The following NDFIP1 variants were observed in gnomAD, a reference collection of about 807,000 sequenced individuals.
NDFIP1 encodes NEDD4 family-interacting protein 1.
NDFIP1 carries 7 observed loss-of-function variants against 28.8 expected under a neutral mutation model. That is an observed-to-expected ratio of 0.24 (90% confidence interval 0.14 to 0.46). NDFIP1 has a LOEUF of 0.46. NDFIP1 is among the 20% of genes least tolerant of loss of function. The pLI is 0.99. For synonymous variants in NDFIP1, 92 were observed against 101.0 expected (o/e 0.91, Z 0.53); for missense variants, 194 against 269.1 (o/e 0.72, Z 1.95).
intron 1 of NDFIP1, among the ~76,000 whole-genome samples, chr5:142,129,965 A>G (rs919526884): frequency 2.6e-5 from 4 of 151,160 alleles, no homozygotes; most frequent in African/African-American, 4.9e-5. Flanking sequence ...ATGGAGCTCT[A>G]CTTCACATTA....
At chr5:142,149,484 A>G (rs76814825) in intron 7 of NDFIP1, among the ~76,000 whole-genome samples, 3,354 of 139,534 alleles carry the variant, frequency 0.024, 50 homozygotes, top group Non-Finnish European at 0.036. Flanking sequence ...TAATTTAGTA[A>G]TACGGTCCAG....
chr5:142,137,970 A>G, intron 5 of NDFIP1, 112 bp downstream of exon 5: 1 of 1,368,812 alleles, frequency 7.3e-7, no homozygotes. Flanking sequence ...GTGTTAAATG[A>G]TTTTTGGTTT....
rs10041661 is a variant in NDFIP1, at chr5:142,136,005, A to G, written c.370+188A>G. On this transcript the variant is annotated intron_variant, in intron 4 of 7. Coordinates refer to ENST00000253814, the MANE Select transcript of NDFIP1 (RefSeq NM_030571.4). ...TTAATATCCCTTCTCTTTGCCTTCT[A>G]TTTTCATGAATATCTGTGGAAAATA... Among the ~76,000 whole-genome samples the G allele has an allele frequency of 1.0e-2, 1,515 of 152,252 alleles. 27 individuals carry two copies. The highest frequency in any genetic ancestry group is 0.035 in the African/African-American group (1,447 of 41,534).
chr5:142,147,477 A>G (rs758345674), intron 7 of NDFIP1, among the ~76,000 whole-genome samples: 1 of 152,186 alleles, frequency 6.6e-6, no homozygotes, highest in Non-Finnish European at 1.5e-5. Flanking sequence ...TTAAAAAGTA[A>G]TTATCTGCTA....
At chr5:142,135,612 C>T (rs1007231240) in intron 3 of NDFIP1, 118 bp from the exon 4 acceptor site, 9 of 745,408 alleles carry the variant, frequency 1.2e-5, no homozygotes, top group Non-Finnish European at 2.0e-5. Flanking sequence ...GCCTTTAATG[C>T]TCATAATTTT....
chr5:142,112,383 A>T (rs1596779784), intron 1 of NDFIP1, among the ~76,000 whole-genome samples: 2 of 146,556 alleles, frequency 1.4e-5, no homozygotes, highest in Non-Finnish European at 3.0e-5. Context: ...GACTCTGTTT[A>T]AAAAAAAAAG....
intron 1 of NDFIP1, among the ~76,000 whole-genome samples, chr5:142,121,535 G>T (rs1435627830): frequency 4.6e-5 from 7 of 152,148 alleles, no homozygotes; most frequent in African/African-American, 2.4e-5. Flanking sequence ...TGTTTCACAC[G>T]TATTCTTTTA....
chr5:142,109,029 TACC>T lies in NDFIP1; in HGVS notation c.57_59del (p.Tyr19_Gln20delinsTer). On this transcript the variant is annotated stop_gained and inframe_deletion, in exon 1 of 8. Coordinates refer to ENST00000253814, the MANE Select transcript of NDFIP1 (RefSeq NM_030571.4). LOFTEE classifies it high-confidence loss of function. ...GGTCGAGCCGGCCTGCGGCAGCCGGTACCAGCAGGTAAGCGGCGCCCGACTCCA... is the reference window on the plus strand; with the variant it reads ...GGTCGAGCCGGCCTGCGGCAGCCGGTAGCAGGTAAGCGGCGCCCGACTCCA... The T allele has an allele frequency of 7.0e-7, 1 of 1,430,894 alleles. No individual in the cohort carries two copies. The highest frequency in any genetic ancestry group is 9.1e-7 in the Non-Finnish European group (1 of 1,093,252). 88.6% of individuals were successfully genotyped at this position (1,430,894 alleles called of 1,614,324 possible).
intron 3 of NDFIP1, among the ~76,000 whole-genome samples, chr5:142,132,977 C>T (rs1165847470): frequency 2.0e-5 from 3 of 152,190 alleles, no homozygotes; most frequent in Non-Finnish European, 4.4e-5. Flanking sequence ...GAAGGTAGGG[C>T]ATTGTGGGAG....
At chr5:142,121,101 G>T (rs531403376) in intron 1 of NDFIP1, among the ~76,000 whole-genome samples, 146 of 152,272 alleles carry the variant, frequency 9.6e-4, no homozygotes, top group African/African-American at 3.3e-3. Context: ...TGATTTCACT[G>T]TCTTTTCAAT....
At chr5:142,131,331 G>A (rs56025023) in intron 1 of NDFIP1, among the ~76,000 whole-genome samples, 41,442 of 151,862 alleles carry the variant, frequency 0.27, 6,962 homozygotes, top group Non-Finnish European at 0.37. Flanking sequence ...CTGGAGTGCA[G>A]TGGCACCATC....
At chr5:142,117,479 G>A in intron 1 of NDFIP1, among the ~76,000 whole-genome samples, 1 of 152,000 alleles carries the variant, frequency 6.6e-6, no homozygotes, top group East Asian at 1.9e-4. Flanking sequence ...TTGACCTCGT[G>A]ATCCACCCGC....
At chr5:142,121,483 G>A (rs1380055161) in intron 1 of NDFIP1, among the ~76,000 whole-genome samples, 1 of 152,184 alleles carries the variant, frequency 6.6e-6, no homozygotes, top group Non-Finnish European at 1.5e-5. Flanking sequence ...AGAGACCTGT[G>A]ACTGCCATCC....
intron 3 of NDFIP1, among the ~76,000 whole-genome samples, chr5:142,134,545 C>G (rs542734915): frequency 6.6e-6 from 1 of 152,352 alleles, no homozygotes; most frequent in South Asian, 2.1e-4. Context: ...CTAGTTCCCA[C>G]TCCCCAGGGG....
At chr5:142,128,430 G>A (rs1016488424) in intron 1 of NDFIP1, among the ~76,000 whole-genome samples, 3 of 152,254 alleles carry the variant, frequency 2.0e-5, no homozygotes, top group South Asian at 2.1e-4. Flanking sequence ...TAGTTCTAGC[G>A]CACATGGTTC....
intron 1 of NDFIP1, among the ~76,000 whole-genome samples, chr5:142,110,284 CAT>C (rs1337643067): frequency 1.3e-5 from 2 of 152,180 alleles, no homozygotes; most frequent in Non-Finnish European, 2.9e-5. Flanking sequence ...GGATCTAGCA[CAT>C]GCTTTTTTTC....
chr5:142,134,379 G>A (rs1757254055), intron 3 of NDFIP1, among the ~76,000 whole-genome samples: 1 of 152,078 alleles, frequency 6.6e-6, no homozygotes, highest in African/African-American at 2.4e-5. Flanking sequence ...TTTAATTTTG[G>A]CAAAACCTTA....
At chr5:142,148,010 A>T (rs1481719918) in intron 7 of NDFIP1, among the ~76,000 whole-genome samples, 1 of 152,228 alleles carries the variant, frequency 6.6e-6, no homozygotes, top group Non-Finnish European at 1.5e-5. Flanking sequence ...TGGAGATGTC[A>T]CCAATTAAAA....
intron 1 of NDFIP1, among the ~76,000 whole-genome samples, chr5:142,110,368 C>T (rs946733307): frequency 1.3e-5 from 2 of 152,168 alleles, no homozygotes; most frequent in Non-Finnish European, 2.9e-5. Context: ...ACTTAACTGT[C>T]ACCACAGTGT....
Sources: gnomAD v4.1 joint callset for allele counts (sites outside exome capture counted in the v4.1 genomes callset) on GRCh38, gnomAD v4.1.1 for gene constraint, MANE v1.5 for transcripts, NCBI Gene and HGNC (gene_info 2026-07-23, HGNC 2026-07-21) for gene names.